The following PDGFC variants were observed in gnomAD, a reference collection of about 807,000 sequenced individuals.
PDGFC encodes the protein platelet derived growth factor C, also known as platelet-derived growth factor C.
A neutral mutation model predicts 35.5 loss-of-function variants in PDGFC; 12 were observed. The observed-to-expected ratio is 0.34, with a 90% CI of 0.22 to 0.55. PDGFC has a LOEUF of 0.55. Among genes scored for constraint, PDGFC ranks in the 20% least tolerant of loss-of-function variants. The pLI is 0.91. For synonymous variants in PDGFC, 159 were observed against 148.8 expected (o/e 1.07, Z -0.50); for missense variants, 322 against 412.4 (o/e 0.78, Z 1.90).
intron 1 of PDGFC, among the ~76,000 whole-genome samples, chr4:156,889,224 T>C (rs1400456401): frequency 6.6e-6 from 1 of 152,200 alleles, no homozygotes; most frequent in Non-Finnish European, 1.5e-5. Context: ...TGTTTTCTTC[T>C]ACTCAAATAC....
At chr4:156,944,778 G>A (rs1731899594) in intron 1 of PDGFC, among the ~76,000 whole-genome samples, 1 of 152,026 alleles carries the variant, frequency 6.6e-6, no homozygotes, top group African/African-American at 2.4e-5. Context: ...TCACTATCAC[G>A]GCATTTGCTC....
rs1185521799 is a variant in PDGFC, at chr4:156,894,956, A to G, written c.119-44540T>C. On this transcript the variant is annotated intron_variant, in intron 1 of 5. Transcript: ENST00000502773. ...TGTATTTTACTAATTCTGCATGCAA[A>G]TGAGTATATAATTAAATCCAACTAT... Among the ~76,000 whole-genome samples the G allele has an allele frequency of 2.0e-5, 3 of 152,152 alleles. No homozygotes were observed. In the East Asian group the frequency reaches 5.8e-4, roughly 29 times the overall value.
chr4:156,875,785 C>T (rs1446449470), intron 1 of PDGFC, among the ~76,000 whole-genome samples: 1 of 151,972 alleles, frequency 6.6e-6, no homozygotes, highest in Non-Finnish European at 1.5e-5. Flanking sequence ...AGGTGTGGTG[C>T]TGCACGCCTG....
intron 1 of PDGFC, among the ~76,000 whole-genome samples, chr4:156,905,063 G>A (rs753986865): frequency 3.9e-5 from 6 of 152,090 alleles, no homozygotes; most frequent in Non-Finnish European, 7.4e-5. Context: ...GACACTATGG[G>A]ATTGGTAAAA....
chr4:156,884,896 A>G (rs1730337625), intron 1 of PDGFC, among the ~76,000 whole-genome samples: 1 of 152,222 alleles, frequency 6.6e-6, no homozygotes, highest in South Asian at 2.1e-4. Flanking sequence ...AACAAGTTTT[A>G]ACAAGATACA....
At chr4:156,767,661 T>C in intron 5 of PDGFC, 112 bp downstream of exon 5, 1 of 668,630 alleles carries the variant, frequency 1.5e-6, no homozygotes, top group Non-Finnish European at 2.6e-6. Context: ...CCTCTTTTTT[T>C]TCCCCATGAA....
At chr4:156,910,158 G>A (rs1351084874) in intron 1 of PDGFC, among the ~76,000 whole-genome samples, 1 of 151,918 alleles carries the variant, frequency 6.6e-6, no homozygotes, top group Non-Finnish European at 1.5e-5. Context: ...CCCTGCTTGG[G>A]GCAGTTTGTT....
intron 1 of PDGFC, among the ~76,000 whole-genome samples, chr4:156,929,457 G>A (rs796250176): frequency 2.1e-5 from 3 of 144,852 alleles, no homozygotes; most frequent in African/African-American, 5.1e-5. Flanking sequence ...ATCAGCATTC[G>A]TAGCAAAAAA....
At chr4:156,823,728 A>G (rs1164813975) in intron 2 of PDGFC, among the ~76,000 whole-genome samples, 1 of 152,160 alleles carries the variant, frequency 6.6e-6, no homozygotes, top group Non-Finnish European at 1.5e-5. Context: ...CAGCAATACC[A>G]CTACTCAGTA....
At chr4:156,767,350 C>T (rs1162157899) in intron 5 of PDGFC, among the ~76,000 whole-genome samples, 3 of 152,010 alleles carry the variant, frequency 2.0e-5, no homozygotes, top group South Asian at 2.1e-4. Context: ...TCTTAGGAGT[C>T]TCTGTTGTCC....
At chr4:156,948,150 TAAA>T (rs796601601) in intron 1 of PDGFC, among the ~76,000 whole-genome samples, 1 of 79,914 alleles carries the variant, frequency 1.3e-5, no homozygotes, top group Non-Finnish European at 2.6e-5. Flanking sequence ...ACAAGTGTAC[TAAA>T]AAAAAAAAAA....
intron 1 of PDGFC, among the ~76,000 whole-genome samples, chr4:156,867,239 A>C (rs150709750): frequency 6.6e-6 from 1 of 152,350 alleles, no homozygotes; most frequent in African/African-American, 2.4e-5. Context: ...ACATATAAAT[A>C]TGCAGTCAAC....
intron 1 of PDGFC, among the ~76,000 whole-genome samples, chr4:156,897,994 G>C (rs1579085379): frequency 1.3e-5 from 2 of 152,308 alleles, no homozygotes; most frequent in African/African-American, 2.4e-5. Flanking sequence ...AACTGGAGTA[G>C]TAGAGGCAGA....
intron 1 of PDGFC, among the ~76,000 whole-genome samples, chr4:156,905,669 T>C (rs1359169832): frequency 1.3e-5 from 2 of 152,102 alleles, no homozygotes; most frequent in Non-Finnish European, 2.9e-5. Flanking sequence ...CTGTCAACCA[T>C]TCAGAATATC....
chr4:156,763,291 G>T (rs949123634), intron 5 of PDGFC, 85 bp from the exon 6 acceptor site: 30 of 525,620 alleles, frequency 5.7e-5, no homozygotes, highest in African/African-American at 8.2e-5. Flanking sequence ...TTTTAGAAAA[G>T]AATCTTGGGG....
At chr4:156,953,674 A>G (rs778409911) in intron 1 of PDGFC, among the ~76,000 whole-genome samples, 2 of 152,002 alleles carry the variant, frequency 1.3e-5, no homozygotes, top group Non-Finnish European at 2.9e-5. Context: ...GACATAAAAC[A>G]TGACTTCTTA....
intron 2 of PDGFC, among the ~76,000 whole-genome samples, chr4:156,847,611 G>A (rs1312230165): frequency 2.0e-5 from 3 of 151,468 alleles, no homozygotes; most frequent in African/African-American, 7.3e-5. Flanking sequence ...CTGTAGTTTA[G>A]TTAATAATAC....
In PDGFC at chr4:156,849,899, G is replaced by A. The variant is rs556263753; in HGVS notation, c.314+322C>T. On this transcript the variant is annotated intron_variant, in intron 2 of 5. Transcript: ENST00000502773. ...CAGTAACCGCAACTTTGGTTTTCTA[G>A]CACAACTACAGTCCTTTATACAGCT... Among the ~76,000 whole-genome samples, 301 of 152,078 alleles carry A rather than the reference G, an allele frequency of 2.0e-3. 1 individual carries two copies. The highest frequency in any genetic ancestry group is 6.9e-3 in the African/African-American group (285 of 41,540).
intron 1 of PDGFC, among the ~76,000 whole-genome samples, chr4:156,851,909 C>A (rs762898890): frequency 9.3e-6 from 1 of 107,782 alleles, no homozygotes; most frequent in Non-Finnish European, 1.7e-5. Flanking sequence ...CCAGCCTGGG[C>A]GACAGAATGA....
Sources: allele counts gnomAD v4.1 joint callset (sites outside exome capture counted in the v4.1 genomes callset), GRCh38; gene constraint gnomAD v4.1.1; transcripts MANE v1.5; gene names NCBI Gene and HGNC (gene_info 2026-07-23, HGNC 2026-07-21).